Variants in RTF1 observed in about 807,000 individuals in gnomAD.
RTF1 encodes the protein RNA polymerase-associated protein RTF1 homolog.
A neutral mutation model predicts 95.7 loss-of-function variants in RTF1; 10 were observed. That is an observed-to-expected ratio of 0.10 (90% CI 0.06 to 0.18). The LOEUF is 0.18. RTF1 is among the 10% of genes least tolerant of loss of function. The probability of loss-of-function intolerance (pLI) is 1.00; values close to 1 mark genes in which losing one functional copy is unlikely to be tolerated. For synonymous variants in RTF1, 305 were observed against 311.8 expected, an observed-to-expected ratio of 0.98 and a Z score of 0.23; for missense variants, 458 against 875.6, an observed-to-expected ratio of 0.52 and a Z score of 6.02.
chr15:41,417,176 C>CT lies in RTF1; in HGVS notation c.62dup (p.Ala22GlyfsTer57). On this transcript the variant is annotated frameshift_variant, in exon 1 of 18. Transcript: ENST00000389629. LOFTEE classifies it high-confidence loss of function. The stretch of plus-strand genomic sequence containing the variant: ...GGCGGCGGCGGCAGTGGCGGTCCCA[C>CT]TGGCAGGCGGGCAAGAGGGGAGTCC... The CT allele has an allele frequency of 7.9e-7, 1 of 1,264,268 alleles. No individual in the cohort carries two copies. Among genetic ancestry groups the CT allele is most frequent in the Non-Finnish European group, 1.0e-6 (1 of 1,000,428 alleles). 78.3% of individuals were successfully genotyped at this position (1,264,268 alleles called of 1,614,324 possible). A position where few individuals can be genotyped will look rare whatever the true frequency, so the allele number is the denominator to read the frequency against.
chr15:41,458,806 T>A (rs755845846), intron 4 of RTF1, among the ~76,000 whole-genome samples: 1 of 150,844 alleles, frequency 6.6e-6, no homozygotes, highest in East Asian at 2.0e-4. Flanking sequence ...GTGTGGTGGC[T>A]CACACTGGTA....
Position 41,477,224 on chromosome 15 carries a change from T to C in RTF1, c.1620T>C (p.Asn540=). 2 of 1,614,202 alleles carry C rather than the reference T, an allele frequency of 1.2e-6. No homozygotes were observed. Among genetic ancestry groups the C allele is most frequent in the South Asian group, 2.2e-5 (2 of 91,090 alleles). ...DKAKQIQDQL[N]ELEERAEALD... Reference sequence around the variant, plus strand: ...CCAAACAAATCCAAGATCAACTGAATGAGCTGGAGGAACGGGCAGAGGCCC... The same window carrying C: ...CCAAACAAATCCAAGATCAACTGAACGAGCTGGAGGAACGGGCAGAGGCCC... The change falls in exon 13 of 18, where the codon AAT becomes AAC. Residue 540 remains asparagine (N), a synonymous_variant. Transcript: ENST00000389629.
At position 41,470,243 on chromosome 15, in the gene RTF1, T is replaced by C. The variant is rs1267448452; in HGVS notation, c.890-14T>C. 1 of 1,607,610 alleles carries C rather than the reference T, an allele frequency of 6.2e-7. No individual in the cohort carries two copies. The highest frequency in any genetic ancestry group is 1.1e-5 in the South Asian group (1 of 90,614). On this transcript the variant is annotated splice_polypyrimidine_tract_variant and intron_variant, in intron 6 of 17. Transcript: ENST00000389629. ...TTGAGAAAACCTAGGTAAACATCTC[T>C]TCTTTCTTTCTAGCTGAGCTCCTTG... is the stretch of plus-strand genomic sequence containing the variant.
In RTF1 at chr15:41,480,567, C is replaced by G. The variant is rs1421035887; in HGVS notation, c.2027-14C>G. The G allele has an allele frequency of 6.3e-7, 1 of 1,599,524 alleles. No individual in the cohort carries two copies. The highest frequency in any genetic ancestry group is 8.6e-7 in the Non-Finnish European group (1 of 1,166,858). ...GTGGGACCTCAGCTGCCAACTTGCT[C>G]TTCTTTCCCACAGAGTCAAAGGCTT... On this transcript the variant is annotated splice_polypyrimidine_tract_variant and intron_variant, in intron 17 of 17. Coordinates refer to ENST00000389629, the MANE Select transcript of RTF1 (RefSeq NM_015138.5).
At chr15:41,428,171 G>A (rs907310466) in intron 1 of RTF1, among the ~76,000 whole-genome samples, 1 of 149,902 alleles carries the variant, frequency 6.7e-6, no homozygotes, top group East Asian at 2.0e-4. Context: ...TTCTAACTTG[G>A]TTACATTGAG....
At chr15:41,440,490 C>CTTT (rs1271679997) in intron 2 of RTF1, among the ~76,000 whole-genome samples, 5,650 of 117,848 alleles carry the variant, frequency 0.048, 155 homozygotes, top group East Asian at 0.11. Context: ...CGCCTGGCCT[C>CTTT]TTTTTTTTTT....
intron 1 of RTF1, among the ~76,000 whole-genome samples, chr15:41,424,075 A>G (rs1468857534): frequency 2.0e-5 from 3 of 152,090 alleles, no homozygotes; most frequent in East Asian, 1.9e-4. Context: ...CGTTCAACAG[A>G]TGTATTAGAC....
intron 10 of RTF1, 33 bp from the exon 11 acceptor site, chr15:41,475,679 T>C (rs773699884): frequency 4.4e-6 from 7 of 1,599,312 alleles, no homozygotes; most frequent in Non-Finnish European, 6.0e-6. Flanking sequence ...CAAAATCCCT[T>C]ACTAATAATC....
intron 1 of RTF1, 101 bp from the exon 2 acceptor site, chr15:41,438,220 A>C: frequency 1.4e-6 from 1 of 738,328 alleles, no homozygotes. Flanking sequence ...AGTTGAAAAC[A>C]CAAAAATATA....
chr15:41,433,266 A>C (rs1227626619), intron 1 of RTF1, among the ~76,000 whole-genome samples: 1 of 152,082 alleles, frequency 6.6e-6, no homozygotes, highest in African/African-American at 2.4e-5. Context: ...TAAATAAATA[A>C]AAATATAAAA....
intron 6 of RTF1, among the ~76,000 whole-genome samples, chr15:41,466,771 T>C (rs2050882599): frequency 6.6e-6 from 1 of 152,242 alleles, no homozygotes; most frequent in Admixed American, 6.5e-5. Flanking sequence ...ATCTGTATGT[T>C]TTCTTCCCCA....
At chr15:41,464,668 A>T in intron 4 of RTF1, 103 bp from the exon 5 acceptor site, 1 of 984,044 alleles carries the variant, frequency 1.0e-6, no homozygotes, top group East Asian at 2.7e-5. Context: ...GAAAGCCAAA[A>T]TATCTATTAG....
Position 41,478,877 on chromosome 15 carries a change from C to T in RTF1, c.1819-226C>T, listed in dbSNP as rs566938382. ...CAGGGTGGGTTTACAGTGCAGCAGACATTAGTAATGTGTCCCTTAGCTAGG... is the reference window on the plus strand; with the variant it reads ...CAGGGTGGGTTTACAGTGCAGCAGATATTAGTAATGTGTCCCTTAGCTAGG... On this transcript the variant is annotated intron_variant, in intron 15 of 17. Transcript: ENST00000389629. 154 of 600,972 alleles carry T rather than the reference C, an allele frequency of 2.6e-4. No homozygotes were observed. In the African/African-American group the frequency reaches 2.7e-3, roughly 11 times the overall value. The allele number at this position is 600,972 out of a possible 1,614,324, so 37.2% of individuals were successfully genotyped here.
intron 3 of RTF1, among the ~76,000 whole-genome samples, chr15:41,456,746 C>T (rs1288514481): frequency 6.7e-6 from 1 of 150,118 alleles, no homozygotes; most frequent in African/African-American, 2.5e-5. Context: ...GCCGAGATCG[C>T]GCTGCTGCAC....
chr15:41,478,441 CTTTT>C, intron 14 of RTF1, 103 bp from the exon 15 acceptor site: 2 of 606,828 alleles, frequency 3.3e-6, no homozygotes, highest in Non-Finnish European at 5.5e-6. Context: ...AGGATAATAG[CTTTT>C]TTTTTTTTCA....
At chr15:41,474,583 G>A (rs1194838433) in intron 8 of RTF1, 37 bp from the exon 9 acceptor site, 1 of 1,435,462 alleles carries the variant, frequency 7.0e-7, no homozygotes, top group Non-Finnish European at 9.8e-7. Flanking sequence ...CTCCGGAAGA[G>A]TCTGGTTTTG....
At chr15:41,418,056 A>G (rs1160474027) in intron 1 of RTF1, among the ~76,000 whole-genome samples, 1 of 152,174 alleles carries the variant, frequency 6.6e-6, no homozygotes, top group African/African-American at 2.4e-5. Context: ...GCATCCCAGA[A>G]TTCTTTCTTA....
intron 15 of RTF1, 160 bp from the exon 16 acceptor site, chr15:41,478,943 C>CTT (rs374560005): frequency 3.8e-3 from 1,923 of 507,274 alleles, no homozygotes; most frequent in South Asian, 9.6e-3. Flanking sequence ...TTGTAATTGC[C>CTT]TTTTTTTTTT....
intron 3 of RTF1, among the ~76,000 whole-genome samples, chr15:41,454,920 A>G (rs556313359): frequency 1.5e-3 from 234 of 152,344 alleles, no homozygotes; most frequent in Admixed American, 2.6e-3. Flanking sequence ...CTGTTCAGAT[A>G]GACAAAATTT....
Sources: allele counts gnomAD v4.1 joint callset (sites outside exome capture counted in the v4.1 genomes callset), GRCh38; gene constraint gnomAD v4.1.1; transcripts MANE v1.5; gene names NCBI Gene and HGNC (gene_info 2026-07-23, HGNC 2026-07-21).